Variants in FNDC3A observed in about 807,000 individuals in gnomAD.
FNDC3A encodes fibronectin type III domain containing 3A, also known as fibronectin type-III domain-containing protein 3A.
A neutral mutation model predicts 148.9 loss-of-function variants in FNDC3A; 32 were observed. The observed-to-expected ratio is 0.21, with a 90% CI of 0.16 to 0.29. FNDC3A has a LOEUF of 0.29. Among genes scored for constraint, FNDC3A ranks in the 10% least tolerant of loss-of-function variants. The pLI is 1.00. For missense variants in FNDC3A, 1,191 were observed against 1,452.8 expected, an observed-to-expected ratio of 0.82 and a Z score of 2.93; for synonymous variants, 472 against 473.6, an observed-to-expected ratio of 1.00 and a Z score of 0.04.
chr13:49,017,927 G>C (rs1487626935), intron 2 of FNDC3A, among the ~76,000 whole-genome samples: 2 of 152,126 alleles, frequency 1.3e-5, no homozygotes, highest in Middle Eastern at 6.8e-3. Context: ...TTGGATATTG[G>C]CCCCTACTCT....
At position 49,010,809 on chromosome 13, in the gene FNDC3A, C is replaced by G. The variant is rs747867311; in HGVS notation, c.99+4520C>G. Reference sequence around the variant, plus strand: ...GACTTTTATGATAATTGCTTACTGACTTTTCTCTGTAGTTTTATCTATATA... The same window carrying G: ...GACTTTTATGATAATTGCTTACTGAGTTTTCTCTGTAGTTTTATCTATATA... On this transcript the variant is annotated intron_variant, in intron 2 of 25. Coordinates refer to ENST00000492622, the MANE Select transcript of FNDC3A (RefSeq NM_001079673.2). Among the ~76,000 whole-genome samples the G allele has an allele frequency of 6.9e-4, 105 of 152,146 alleles. 2 individuals carry two copies. Among genetic ancestry groups the G allele is most frequent in the Non-Finnish European group, 1.2e-3 (82 of 68,030 alleles).
At chr13:49,018,318 T>C (rs1259045107) in intron 2 of FNDC3A, among the ~76,000 whole-genome samples, 1 of 152,234 alleles carries the variant, frequency 6.6e-6, no homozygotes, top group African/African-American at 2.4e-5. Context: ...TTCTTTTTTC[T>C]CTAAACTTCC....
chr13:49,193,351 C>T (rs1045303753), intron 19 of FNDC3A, among the ~76,000 whole-genome samples: 24 of 152,154 alleles, frequency 1.6e-4, no homozygotes, highest in African/African-American at 5.8e-4. Flanking sequence ...ACCTCAACCT[C>T]CCAGGCTTAA....
rs2138155543 is a variant in FNDC3A, at chr13:49,208,778, T to C, written c.*1383T>C. The C allele has an allele frequency of 6.5e-6, 1 of 152,774 alleles. No homozygotes were observed. The highest frequency in any genetic ancestry group is 6.5e-5 in the Admixed American group (1 of 15,306). The allele number at this position is 152,774 out of a possible 1,614,324, so 9.5% of individuals were successfully genotyped here. ...CCTGTAACTAGCTTTTTTAATTTAT[T>C]ATTTGAATTTTAGGATAGCGAATCA... On this transcript the variant is annotated 3_prime_UTR_variant, in exon 26 of 26. Coordinates refer to ENST00000492622, the MANE Select transcript of FNDC3A (RefSeq NM_001079673.2).
At chr13:49,175,212 G>T (rs1049663603) in intron 12 of FNDC3A, among the ~76,000 whole-genome samples, 155 bp from the exon 13 acceptor site, 9 of 152,026 alleles carry the variant, frequency 5.9e-5, no homozygotes, top group Non-Finnish European at 1.3e-4. Flanking sequence ...ATCTGACCTG[G>T]TTATCATAAA....
At position 49,168,673 on chromosome 13, in the gene FNDC3A, C is replaced by T; in HGVS notation, c.1098C>T (p.Thr366=). 6.2e-7 allele frequency: 1 copy of T among 1,612,338 alleles called. No individual in the cohort carries two copies. The highest frequency in any genetic ancestry group is 1.1e-5 in the South Asian group (1 of 91,034). The change falls in exon 10 of 26, where the codon ACC becomes ACT. Residue 366 remains threonine, a synonymous_variant. Coordinates refer to ENST00000492622, the MANE Select transcript of FNDC3A (RefSeq NM_001079673.2). ...GTPSEAEIFT[T]LSCEPDIPNP... ...CTTCAGAGGCTGAAATCTTTACCAC[C>T]TTGAGCTGTGAACCTGATATACCTA... is the stretch of plus-strand genomic sequence containing the variant.
intron 2 of FNDC3A, among the ~76,000 whole-genome samples, chr13:49,017,078 G>C (rs1872862143): frequency 6.6e-6 from 1 of 152,094 alleles, no homozygotes; most frequent in Non-Finnish European, 1.5e-5. Context: ...TGTATATTCT[G>C]TTGATTTGGG....
intron 19 of FNDC3A, 141 bp from the exon 20 acceptor site, chr13:49,196,736 A>G (rs1002144610): frequency 3.7e-5 from 18 of 482,448 alleles, no homozygotes; most frequent in Non-Finnish European, 5.9e-5. Flanking sequence ...GTTAATGTGA[A>G]TACTTATAGA....
chr13:49,111,125 A>G (rs1298216588), intron 3 of FNDC3A, among the ~76,000 whole-genome samples: 1 of 152,176 alleles, frequency 6.6e-6, no homozygotes, highest in Non-Finnish European at 1.5e-5. Flanking sequence ...TTGGGACAAA[A>G]TCTCCCTCAT....
intron 2 of FNDC3A, among the ~76,000 whole-genome samples, chr13:49,061,337 CCCTTCCCTTCCCTTCCCTTA>C (rs1408657672): frequency 0.15 from 655 of 4,300 alleles, 162 homozygotes; most frequent in African/African-American, 0.26. Context: ...CCCTTCCCTT[CCCTTCCCTTCCCTTCCCTTA>C]CCTTCCCTTC....
At chr13:49,158,750 T>G (rs1280629749) in intron 8 of FNDC3A, among the ~76,000 whole-genome samples, 2 of 152,222 alleles carry the variant, frequency 1.3e-5, no homozygotes, top group Admixed American at 1.3e-4. Context: ...TTTATGGTTT[T>G]GGGTCTAACA....
intron 3 of FNDC3A, among the ~76,000 whole-genome samples, chr13:49,083,190 C>T (rs1254465981): frequency 1.3e-5 from 2 of 152,168 alleles, no homozygotes; most frequent in Non-Finnish European, 2.9e-5. Context: ...TAGCCACCCA[C>T]CACTGCCTGC....
At chr13:48,975,567 G>A (rs1377024868), upstream of FNDC3A, 2 of 152,236 alleles carry the variant, frequency 1.3e-5, no homozygotes, top group Admixed American at 6.5e-5. Flanking sequence ...GTGCGTCTCA[G>A]GGGAGCCTTT....
At chr13:49,035,111 T>C (rs1264066385) in intron 2 of FNDC3A, among the ~76,000 whole-genome samples, 1 of 152,052 alleles carries the variant, frequency 6.6e-6, no homozygotes, top group Non-Finnish European at 1.5e-5. Flanking sequence ...GTGGAAAACA[T>C]TTTAAGTCTG....
intron 3 of FNDC3A, among the ~76,000 whole-genome samples, chr13:49,093,786 A>T (rs1166008108): frequency 6.6e-6 from 1 of 152,142 alleles, no homozygotes; most frequent in African/African-American, 2.4e-5. Context: ...AAATTATTAT[A>T]CCAAATACTC....
At chr13:49,013,129 A>G (rs1048450713) in intron 2 of FNDC3A, among the ~76,000 whole-genome samples, 1 of 152,090 alleles carries the variant, frequency 6.6e-6, no homozygotes, top group Non-Finnish European at 1.5e-5. Flanking sequence ...CAGCCTGTGC[A>G]ACATATAGTA....
chr13:49,032,839 GA>G (rs1280331659), intron 2 of FNDC3A, among the ~76,000 whole-genome samples: 2 of 152,014 alleles, frequency 1.3e-5, no homozygotes, highest in Non-Finnish European at 2.9e-5. Flanking sequence ...TAAAAACCAT[GA>G]AATTATAACT....
intron 15 of FNDC3A, among the ~76,000 whole-genome samples, chr13:49,186,757 A>G (rs1028299991): frequency 6.6e-6 from 1 of 152,224 alleles, no homozygotes; most frequent in African/African-American, 2.4e-5. Context: ...AGTCCCAGCT[A>G]CTCAGGAGGC....
rs1566277192 is a variant in FNDC3A at position 49,138,805 on chromosome 13, GGTAA to G, written c.819+4_819+7del. On this transcript the variant is annotated splice_donor_variant and splice_donor_region_variant and intron_variant, in intron 7 of 25. Transcript: ENST00000492622. LOFTEE classifies it high-confidence loss of function. ...TTCTTTCCAACATTGTCAAACCAGTGGTAAGTATCTTATGTATTTTATTGATGTT... is the reference window on the plus strand; with the variant it reads ...TTCTTTCCAACATTGTCAAACCAGTGGTATCTTATGTATTTTATTGATGTT... The G allele has an allele frequency of 6.9e-7, 1 of 1,451,930 alleles. No homozygotes were observed. The highest frequency in any genetic ancestry group is 1.3e-5 in the South Asian group (1 of 78,016). The allele number at this position is 1,451,930 out of a possible 1,614,324, so 89.9% of individuals were successfully genotyped here.
Sources: gnomAD v4.1 joint callset for allele counts (sites outside exome capture counted in the v4.1 genomes callset) on GRCh38, gnomAD v4.1.1 for gene constraint, MANE v1.5 for transcripts, NCBI Gene and HGNC (gene_info 2026-07-23, HGNC 2026-07-21) for gene names.